MPP7: variants seen among roughly 807,000 people sequenced by gnomAD.
The protein encoded by MPP7 is MAGUK p55 scaffold protein 7.
MPP7 carries 60 observed loss-of-function variants against 76.5 expected under a neutral mutation model. That is an observed-to-expected ratio of 0.78 (90% CI 0.64 to 0.97). The LOEUF (loss-of-function observed/expected upper bound fraction) is 0.97, where lower values mean the gene tolerates loss of function less well. Among genes scored for constraint, MPP7 ranks in the 50% least tolerant of loss-of-function variants. MPP7 has a pLI of 0.00. For missense variants in MPP7, 641 were observed against 694.0 expected (o/e 0.92, Z 0.86); for synonymous variants, 237 against 244.5 (o/e 0.97, Z 0.29).
chr10:28,202,122 G>A lies in MPP7; in HGVS notation c.156+31C>T, dbSNP rs752834328. The A allele has an allele frequency of 1.6e-5, 23 of 1,465,900 alleles. No homozygotes were observed. In the South Asian group the frequency reaches 2.1e-4, roughly 13 times the overall value. 90.8% of individuals were successfully genotyped at this position (1,465,900 alleles called of 1,614,324 possible). ...CCAAATATTTTTCCATATGCTTTTC[G>A]CAAAGAGAATCTGACATCAGCATGG... On this transcript the variant is annotated intron_variant, in intron 3 of 16. Coordinates refer to ENST00000683449, the MANE Select transcript of MPP7 (RefSeq NM_001318170.2).
chr10:28,326,485 G>A (rs1355885007), intron 2 of MPP7, among the ~76,000 whole-genome samples: 1 of 152,130 alleles, frequency 6.6e-6, no homozygotes, highest in Non-Finnish European at 1.5e-5. Flanking sequence ...TTCTACAAAT[G>A]GTGACAGTCA....
intron 1 of MPP7, among the ~76,000 whole-genome samples, chr10:28,282,464 T>G (rs1318637515): frequency 6.6e-6 from 1 of 151,980 alleles, no homozygotes; most frequent in Admixed American, 6.6e-5. Flanking sequence ...AACTGCAAAT[T>G]TGCTACAGCA....
intron 5 of MPP7, among the ~76,000 whole-genome samples, chr10:28,136,148 C>T (rs969365867): frequency 6.6e-6 from 1 of 151,750 alleles, no homozygotes; most frequent in Non-Finnish European, 1.5e-5. Context: ...ATCACCACTA[C>T]ATGGGATCAT....
At chr10:28,087,486 C>T (rs139733646) in intron 12 of MPP7, among the ~76,000 whole-genome samples, 2,748 of 152,154 alleles carry the variant, frequency 0.018, 36 homozygotes, top group Middle Eastern at 0.051. Context: ...ACCTCTGCCT[C>T]CCAGGTTCAA....
rs531207245 is a variant in MPP7, at chr10:28,314,119, A to G, written c.-132+15810T>C. 3.9e-5 allele frequency among the ~76,000 whole-genome samples: 6 copies of G among 152,254 alleles called. No homozygotes were observed. The South Asian group carries it at 6.2e-4, about 16-fold the overall frequency. ...ATTTGATTTTTCTTAGGTTCTATCA[A>G]TATTATTATGCATTACGATACTTCA... is the stretch of plus-strand genomic sequence containing the variant. On this transcript the variant is annotated intron_variant, in intron 2 of 11. Transcript: ENST00000441595.
intron 3 of MPP7, among the ~76,000 whole-genome samples, chr10:28,152,512 C>G (rs1250476650): frequency 2.6e-5 from 4 of 152,264 alleles, no homozygotes; most frequent in Admixed American, 1.3e-4. Flanking sequence ...GACTTCACCC[C>G]AAGGCTATCC....
intron 1 of MPP7, among the ~76,000 whole-genome samples, chr10:28,290,287 T>C (rs1347600623): frequency 4.4e-5 from 4 of 91,686 alleles, no homozygotes; most frequent in South Asian, 3.0e-4. Context: ...TTTACTTTCC[T>C]TTTTTTTTTT....
At chr10:28,128,396 T>C (rs1444391289) in intron 6 of MPP7, among the ~76,000 whole-genome samples, 1 of 152,176 alleles carries the variant, frequency 6.6e-6, no homozygotes, top group African/African-American at 2.4e-5. Flanking sequence ...ATGTCTGCAC[T>C]CAAAATGTTT....
intron 12 of MPP7, among the ~76,000 whole-genome samples, chr10:28,087,007 T>C (rs1032390015): frequency 2.0e-5 from 3 of 152,152 alleles, no homozygotes; most frequent in African/African-American, 7.2e-5. Flanking sequence ...TCCCCCCAAA[T>C]TGCGTGTTGA....
intron 1 of MPP7, among the ~76,000 whole-genome samples, chr10:28,252,652 T>G (rs945675818): frequency 6.6e-6 from 1 of 151,626 alleles, no homozygotes; most frequent in African/African-American, 2.4e-5. Context: ...TCTAACATCA[T>G]ACAGAGGCGT....
At chr10:28,101,688 T>C (rs1009673116) in intron 11 of MPP7, among the ~76,000 whole-genome samples, 4 of 152,152 alleles carry the variant, frequency 2.6e-5, no homozygotes, top group African/African-American at 9.6e-5. Flanking sequence ...TGGTAAGTGA[T>C]GCTTTGTGAA....
At chr10:28,318,762 T>C (rs532080405) in intron 2 of MPP7, among the ~76,000 whole-genome samples, 1 of 152,318 alleles carries the variant, frequency 6.6e-6, no homozygotes, top group Admixed American at 6.5e-5. Flanking sequence ...GCCCTTCTAG[T>C]TGTCGGATGA....
rs1171265111 is a variant in MPP7 at position 28,058,557 on chromosome 10, T to C, written c.1345A>G (p.Ile449Val). Residue 449 changes from isoleucine to valine, a missense_variant, in exon 15 of 17, where the codon ATA becomes GTA. Coordinates refer to ENST00000683449, the MANE Select transcript of MPP7 (RefSeq NM_001318170.2). ...GCAAGGACAGACCGAACTGAGTCTATACTTGTGCCGTAGTAGTTGTTTTTA... is the reference window on the plus strand; with the variant it reads ...GCAAGGACAGACCGAACTGAGTCTACACTTGTGCCGTAGTAGTTGTTTTTA... ...EYKNNYYGTS[I>V]DSVRSVLAKN... 5 of 1,606,002 alleles carry C rather than the reference T, an allele frequency of 3.1e-6. No individual in the cohort carries two copies. The highest frequency in any genetic ancestry group is 2.2e-5 in the East Asian group (1 of 44,636).
chr10:28,171,568 C>A (rs963092504), intron 3 of MPP7, among the ~76,000 whole-genome samples: 1 of 152,160 alleles, frequency 6.6e-6, no homozygotes, highest in Non-Finnish European at 1.5e-5. Context: ...ACTATAATTT[C>A]GCTGAGTCTT....
chr10:28,114,517 C>T (rs1834601469), intron 11 of MPP7, among the ~76,000 whole-genome samples: 1 of 152,028 alleles, frequency 6.6e-6, no homozygotes, highest in Non-Finnish European at 1.5e-5. Flanking sequence ...GTCCTGCACA[C>T]TGGGCAGTAG....
chr10:28,241,967 C>T (rs1359910377), intron 1 of MPP7, among the ~76,000 whole-genome samples: 1 of 152,124 alleles, frequency 6.6e-6, no homozygotes, highest in Non-Finnish European at 1.5e-5. Flanking sequence ...TCTTAATGCT[C>T]CCGTGGCACT....
chr10:28,189,055 TA>T (rs1837323920), intron 3 of MPP7, among the ~76,000 whole-genome samples: 1 of 152,094 alleles, frequency 6.6e-6, no homozygotes, highest in African/African-American at 2.4e-5. Context: ...AAAAAATAAA[TA>T]AATATAAAGC....
At chr10:28,167,835 A>G (rs1330735668) in intron 3 of MPP7, among the ~76,000 whole-genome samples, 7 of 152,332 alleles carry the variant, frequency 4.6e-5, no homozygotes, top group South Asian at 2.1e-4. Flanking sequence ...CCACATACTC[A>G]CCAATACTTG....
intron 2 of MPP7, among the ~76,000 whole-genome samples, chr10:28,237,797 G>A (rs1361894104): frequency 6.6e-6 from 1 of 152,056 alleles, no homozygotes; most frequent in Non-Finnish European, 1.5e-5. Flanking sequence ...CATGACATAA[G>A]GCCCCCAACC....
Sources: allele counts gnomAD v4.1 joint callset (sites outside exome capture counted in the v4.1 genomes callset), GRCh38; gene constraint gnomAD v4.1.1; transcripts MANE v1.5; gene names NCBI Gene and HGNC (gene_info 2026-07-23, HGNC 2026-07-21).